The following MYLK variants were observed in gnomAD, a reference collection of about 807,000 sequenced individuals.
The protein encoded by MYLK is myosin light chain kinase, smooth muscle.
MYLK carries 106 observed loss-of-function variants against 203.4 expected under a neutral mutation model. That is an observed-to-expected ratio of 0.52 (90% CI 0.45 to 0.61). The LOEUF (loss-of-function observed/expected upper bound fraction) is 0.61, where lower values mean the gene tolerates loss of function less well. Among genes scored for constraint, MYLK ranks in the 20% least tolerant of loss-of-function variants. The probability of loss-of-function intolerance (pLI) is 0.00; values close to 1 mark genes in which losing one functional copy is unlikely to be tolerated. For missense variants in MYLK, 2,072 were observed against 2,442.3 expected, an observed-to-expected ratio of 0.85 and a Z score of 3.20; for synonymous variants, 867 against 959.5, an observed-to-expected ratio of 0.90 and a Z score of 1.78.
intron 3 of MYLK, among the ~76,000 whole-genome samples, chr3:123,812,399 G>T (rs963053961): frequency 2.6e-5 from 4 of 152,120 alleles, no homozygotes; most frequent in African/African-American, 9.7e-5. Flanking sequence ...ACCTCTCTAG[G>T]AAGCTATGGT....
At chr3:123,802,063 TC>T (rs1007113394) in intron 3 of MYLK, among the ~76,000 whole-genome samples, 3 of 152,238 alleles carry the variant, frequency 2.0e-5, no homozygotes, top group African/African-American at 7.2e-5. Context: ...TAAGTGTCTT[TC>T]TTTTTTTCTC....
At chr3:123,749,429 G>A (rs1390774499) in intron 5 of MYLK, among the ~76,000 whole-genome samples, 2 of 152,176 alleles carry the variant, frequency 1.3e-5, no homozygotes, top group African/African-American at 2.4e-5. Context: ...CTCTGGAGGT[G>A]GGCAAGTGTC....
At chr3:123,821,271 A>G (rs1471111805) in intron 3 of MYLK, among the ~76,000 whole-genome samples, 1 of 151,292 alleles carries the variant, frequency 6.6e-6, no homozygotes, top group Non-Finnish European at 1.5e-5. Context: ...GATCTCTTAT[A>G]ATATATTTTA....
At chr3:123,616,211 G>A (rs1234355996) in intron 33 of MYLK, 1 of 152,026 alleles carries the variant, frequency 6.6e-6, no homozygotes, top group Non-Finnish European at 1.5e-5. Flanking sequence ...GAAGAAGAAA[G>A]CAATATTTGT....
intron 4 of MYLK, 86 bp from the exon 5 acceptor site, chr3:123,752,624 G>A: frequency 7.9e-7 from 1 of 1,273,742 alleles, no homozygotes; most frequent in Non-Finnish European, 1.1e-6. Context: ...CTTTACATGT[G>A]TTAACTCATT....
At position 123,640,379 on chromosome 3, in the gene MYLK, A is replaced by G. The variant is rs1301022074; in HGVS notation, c.4745T>C (p.Val1582Ala). ...GVEYIHKQGI[V>A]HLDLKPENIM... ...GTTCTCCGGCTTGAGGTCCAGGTGC[A>G]CGATGCCCTGCTTGTGGATGTACTC... Residue 1582 changes from valine to alanine, a missense_variant, in exon 28 of 34, where the codon GTG (valine) becomes GCG (alanine). This residue lies in a region of MYLK where 524 missense variants were observed against 782.4 expected (regional missense o/e 0.67). Coordinates refer to ENST00000360304, the MANE Select transcript of MYLK (RefSeq NM_053025.4). The surrounding 1 kb of genome is among the most constrained non-coding windows in gnomAD (Gnocchi z 4.3). 2 of 1,613,914 alleles carry G rather than the reference A, an allele frequency of 1.2e-6. No individual in the cohort carries two copies. The highest frequency in any genetic ancestry group is 2.2e-5 in the South Asian group (2 of 91,038).
At position 123,831,622 on chromosome 3, in the gene MYLK, G is replaced by A; in HGVS notation, c.-78C>T. ...AAGGCGTCCTGAAGCTCTCGGCTGG[G>A]AAGCTCCTGAAGTTGCTCTGAACTG... On this transcript the variant is annotated 5_prime_UTR_variant, in exon 3 of 34. Transcript: ENST00000360304. 3.5e-6 allele frequency: 1 copy of A among 289,206 alleles called. No individual in the cohort carries two copies. The highest frequency in any genetic ancestry group is 4.4e-5 in the Admixed American group (1 of 22,696). 17.9% of individuals were successfully genotyped at this position (289,206 alleles called of 1,614,324 possible). A position where few individuals can be genotyped will look rare whatever the true frequency, so the allele number is the denominator to read the frequency against.
chr3:123,731,780 T>C (rs962843255), intron 11 of MYLK, among the ~76,000 whole-genome samples: 2 of 17,962 alleles, frequency 1.1e-4, no homozygotes, highest in African/African-American at 1.7e-4. Flanking sequence ...ACAGATGAAC[T>C]TATAAAAAAA....
intron 4 of MYLK, among the ~76,000 whole-genome samples, chr3:123,790,904 G>T (rs1363094268): frequency 6.6e-6 from 1 of 152,204 alleles, no homozygotes; most frequent in African/African-American, 2.4e-5. Flanking sequence ...GGTGCTGTGG[G>T]CAGAGGCCAG....
At chr3:123,716,551 G>A (rs1203036209) in intron 13 of MYLK, among the ~76,000 whole-genome samples, 1 of 152,180 alleles carries the variant, frequency 6.6e-6, no homozygotes, top group African/African-American at 2.4e-5. Flanking sequence ...TAGCTGGGAA[G>A]CAAGGATCAC....
At chr3:123,843,039 C>T (rs909055276) in intron 2 of MYLK, among the ~76,000 whole-genome samples, 1 of 152,108 alleles carries the variant, frequency 6.6e-6, no homozygotes, top group African/African-American at 2.4e-5. Flanking sequence ...GTATGATCTT[C>T]GGATAGTGTG....
At chr3:123,818,490 G>A (rs1023044634) in intron 3 of MYLK, among the ~76,000 whole-genome samples, 1 of 152,076 alleles carries the variant, frequency 6.6e-6, no homozygotes, top group African/African-American at 2.4e-5. Context: ...AGGAGGTCGA[G>A]ACAAGCCTGG....
chr3:123,710,739 C>T (rs191081107), intron 13 of MYLK, among the ~76,000 whole-genome samples: 10 of 152,236 alleles, frequency 6.6e-5, no homozygotes, highest in Admixed American at 2.0e-4. Context: ...CTGAGAGAAA[C>T]GCAAGCACAT....
In MYLK at chr3:123,708,905, G is replaced by A. The variant is rs1353513113; in HGVS notation, c.1943-10C>T. ...TCAGGGGGTGGATTCCCTGAACCAG[G>A]AGGAGGGGAAGGGGGATTGGTTAGG... is the stretch of plus-strand genomic sequence containing the variant. On this transcript the variant is annotated splice_polypyrimidine_tract_variant and intron_variant, in intron 14 of 33. Transcript: ENST00000360304. 1 of 1,613,274 alleles carries A rather than the reference G, an allele frequency of 6.2e-7. No individual in the cohort carries two copies. The highest frequency in any genetic ancestry group is 8.5e-7 in the Non-Finnish European group (1 of 1,179,408).
chr3:123,627,318 C>G (rs1333027784), intron 30 of MYLK, among the ~76,000 whole-genome samples: 1 of 152,184 alleles, frequency 6.6e-6, no homozygotes. Flanking sequence ...GCCCACAAAG[C>G]CTAATCCTCC....
chr3:123,802,974 G>A (rs1252399004), intron 3 of MYLK, among the ~76,000 whole-genome samples: 2 of 150,840 alleles, frequency 1.3e-5, no homozygotes, highest in Non-Finnish European at 2.9e-5. Flanking sequence ...ATTCTGCCAA[G>A]CAGAACTGTG....
intron 2 of MYLK, among the ~76,000 whole-genome samples, chr3:123,858,406 G>A (rs768278588): frequency 1.2e-4 from 18 of 152,084 alleles, no homozygotes; most frequent in Admixed American, 6.5e-4. Flanking sequence ...ATTTTCTGTT[G>A]CTTATAACAG....
At chr3:123,658,686 T>C (rs1359478357) in intron 23 of MYLK, among the ~76,000 whole-genome samples, 1 of 152,184 alleles carries the variant, frequency 6.6e-6, no homozygotes, top group Non-Finnish European at 1.5e-5. Flanking sequence ...TTTGCAAGCA[T>C]CAAGTAAGCA....
intron 12 of MYLK, among the ~76,000 whole-genome samples, chr3:123,723,264 T>C (rs1460179996): frequency 6.6e-6 from 1 of 152,192 alleles, no homozygotes; most frequent in Admixed American, 6.5e-5. Context: ...AGTGTTTTCT[T>C]CTGCACATAG....
Sources: gnomAD v4.1 joint callset for allele counts (sites outside exome capture counted in the v4.1 genomes callset) on GRCh38, gnomAD v4.1.1 for gene constraint, gnomAD v4.1.1 regional missense constraint, Gnocchi (gnomAD v3.1) non-coding constraint, MANE v1.5 for transcripts, NCBI Gene and HGNC (gene_info 2026-07-23, HGNC 2026-07-21) for gene names.